R3HCC1L: variants seen among roughly 807,000 people sequenced by gnomAD.
R3HCC1L encodes the protein coiled-coil domain-containing protein R3HCC1L.
R3HCC1L carries 51 observed loss-of-function variants against 59.9 expected under a neutral mutation model. That is an observed-to-expected ratio of 0.85 (90% confidence interval 0.68 to 1.07). The LOEUF is 1.07. Ranked by LOEUF, R3HCC1L falls within the 50% of genes least tolerant of loss-of-function variation. The pLI is 0.00. For synonymous variants in R3HCC1L, 322 were observed against 315.2 expected (o/e 1.02, Z -0.23); for missense variants, 965 against 933.0 (o/e 1.03, Z -0.45).
At position 98,209,753 on chromosome 10, in the gene R3HCC1L, G is replaced by T. The variant is rs747085556; in HGVS notation, c.1639G>T (p.Asp547Tyr). 1.9e-6 allele frequency: 3 copies of T among 1,613,868 alleles called. No individual in the cohort carries two copies. The highest frequency in any genetic ancestry group is 2.5e-6 in the Non-Finnish European group (3 of 1,179,852). ...GSIEFGVSFP[D>Y]RESSSMETSI... ...TATAGAATTTGGTGTATCTTTTCCTGATAGGGAATCATCATCTATGGAAAC... is the reference window on the plus strand; with the variant it reads ...TATAGAATTTGGTGTATCTTTTCCTTATAGGGAATCATCATCTATGGAAAC... The change falls in exon 5 of 10, where the codon GAT (aspartate) becomes TAT (tyrosine). Residue 547 changes from aspartate (D) to tyrosine (Y), a missense_variant. By Grantham distance (160) the Asp-to-Tyr change is radical (BLOSUM62 -3). Coordinates refer to ENST00000298999, the MANE Select transcript of R3HCC1L (RefSeq NM_001351015.2).
intron 4 of R3HCC1L, among the ~76,000 whole-genome samples, chr10:98,197,276 A>T (rs1442549953): frequency 6.6e-6 from 1 of 151,892 alleles, no homozygotes; most frequent in Non-Finnish European, 1.5e-5. Context: ...TGTCCGTGCC[A>T]AAATTGTCCT....
intron 4 of R3HCC1L, among the ~76,000 whole-genome samples, chr10:98,173,718 C>A (rs534327792): frequency 6.6e-6 from 1 of 151,910 alleles, no homozygotes; most frequent in East Asian, 1.9e-4. Flanking sequence ...ACTCTTTTTT[C>A]CCCCTAACCA....
intron 1 of R3HCC1L, among the ~76,000 whole-genome samples, chr10:98,137,949 C>CT (rs1239803976): frequency 1.3e-5 from 2 of 151,168 alleles, no homozygotes; most frequent in Admixed American, 1.3e-4. Flanking sequence ...TGGATAGGGT[C>CT]TGGGAGACTT....
chr10:98,181,832 T>C (rs1429975273), intron 4 of R3HCC1L, among the ~76,000 whole-genome samples: 2 of 152,228 alleles, frequency 1.3e-5, no homozygotes, highest in Admixed American at 1.3e-4. Context: ...ATGAGTCACA[T>C]AGTTCTTGTG....
intron 9 of R3HCC1L, among the ~76,000 whole-genome samples, chr10:98,239,438 T>G (rs562132561): frequency 6.6e-6 from 1 of 152,196 alleles, no homozygotes; most frequent in African/African-American, 2.4e-5. Context: ...CAGCCTTTCT[T>G]TCTCCCGCTT....
At chr10:98,203,977 G>A (rs1354560491) in intron 4 of R3HCC1L, among the ~76,000 whole-genome samples, 1 of 152,198 alleles carries the variant, frequency 6.6e-6, no homozygotes, top group Admixed American at 6.5e-5. Context: ...TTTGAACAGA[G>A]TGCATGCTGA....
chr10:98,174,612 G>C (rs909462251), intron 4 of R3HCC1L: 2 of 985,280 alleles, frequency 2.0e-6, no homozygotes, highest in Non-Finnish European at 2.4e-6. Context: ...TCATTTAGGA[G>C]GGCGTTAGAC....
Position 98,163,390 on chromosome 10 carries a change from C to A in R3HCC1L, c.-22C>A, listed in dbSNP as rs190527072. On this transcript the variant is annotated 5_prime_UTR_variant, in exon 4 of 10. Coordinates refer to ENST00000298999, the MANE Select transcript of R3HCC1L (RefSeq NM_001351015.2). ...TTTATTACTAAGAAAATAAATGTTA[C>A]TTACATGGTAAGTTGCCTTTACTTA... 4 of 1,334,616 alleles carry A rather than the reference C, an allele frequency of 3.0e-6. No individual in the cohort carries two copies. The highest frequency in any genetic ancestry group is 5.2e-5 in the Admixed American group (2 of 38,824). The allele number at this position is 1,334,616 out of a possible 1,614,324, so 82.7% of individuals were successfully genotyped here. A position where few individuals can be genotyped will look rare whatever the true frequency, so the allele number is the denominator to read the frequency against.
intron 1 of R3HCC1L, among the ~76,000 whole-genome samples, chr10:98,136,652 A>G (rs1268001901): frequency 2.0e-5 from 3 of 152,162 alleles, no homozygotes; most frequent in South Asian, 4.1e-4. Flanking sequence ...CCTGGGCAAC[A>G]TAATGAAACC....
Position 98,231,555 on chromosome 10 carries a change from G to T in R3HCC1L, c.1829G>T (p.Arg610Ile). The change falls in exon 6 of 10, where the codon AGA becomes ATA. Residue 610 changes from arginine (R) to isoleucine (I), a missense_variant. Arg to Ile is a moderately conservative substitution (Grantham distance 97). Transcript: ENST00000298999. ...AGCAGAGAGAGCATCCAGGAACCTA[G>T]ATCTGATTACTACAATCATGAAGTT... ...TKSRESIQEP[R>I]SDYYNHEVPD... 1.9e-6 allele frequency: 3 copies of T among 1,613,376 alleles called. No individual in the cohort carries two copies. Among genetic ancestry groups the T allele is most frequent in the Non-Finnish European group, 2.5e-6 (3 of 1,179,618 alleles).
intron 5 of R3HCC1L, among the ~76,000 whole-genome samples, chr10:98,230,866 G>A (rs1327044175): frequency 6.6e-6 from 1 of 152,060 alleles, no homozygotes; most frequent in African/African-American, 2.4e-5. Context: ...TAGGACGGTA[G>A]AATTTTAATT....
chr10:98,239,076 C>G (rs550089384), intron 9 of R3HCC1L, among the ~76,000 whole-genome samples: 1 of 152,138 alleles, frequency 6.6e-6, no homozygotes. Context: ...CTCTGTGCCC[C>G]CTGGTTTCCA....
At chr10:98,158,517 T>C (rs1183315675) in intron 2 of R3HCC1L, among the ~76,000 whole-genome samples, 1 of 152,234 alleles carries the variant, frequency 6.6e-6, no homozygotes, top group East Asian at 1.9e-4. Flanking sequence ...CCCTTTCTTA[T>C]TTCTCTCTCG....
chr10:98,164,716 G>A (rs1847768361), intron 4 of R3HCC1L, among the ~76,000 whole-genome samples: 1 of 152,186 alleles, frequency 6.6e-6, no homozygotes, highest in African/African-American at 2.4e-5. Context: ...GTGACAGCCT[G>A]TGAATTGTTG....
intron 1 of R3HCC1L, among the ~76,000 whole-genome samples, chr10:98,135,405 G>T (rs1590349278): frequency 6.6e-6 from 1 of 152,148 alleles, no homozygotes; most frequent in Admixed American, 6.5e-5. Flanking sequence ...TGAAAAGTGG[G>T]GTTAATGTTC....
At chr10:98,240,002 A>C (rs1857359612) in intron 9 of R3HCC1L, among the ~76,000 whole-genome samples, 1 of 152,088 alleles carries the variant, frequency 6.6e-6, no homozygotes, top group African/African-American at 2.4e-5. Flanking sequence ...GCCTAAAACC[A>C]CATTTTAAAG....
At chr10:98,220,141 C>G (rs532901066) in intron 5 of R3HCC1L, among the ~76,000 whole-genome samples, 3 of 152,012 alleles carry the variant, frequency 2.0e-5, no homozygotes, top group Admixed American at 1.3e-4. Flanking sequence ...TCTGCTTGAC[C>G]TAGTCTGCTA....
At chr10:98,230,199 T>C (rs979581841) in intron 5 of R3HCC1L, among the ~76,000 whole-genome samples, 4 of 152,214 alleles carry the variant, frequency 2.6e-5, no homozygotes, top group Non-Finnish European at 5.9e-5. Flanking sequence ...CAGCTGTGAA[T>C]CCGTCTGGTC....
chr10:98,240,400 C>T (rs1266277305), intron 9 of R3HCC1L, among the ~76,000 whole-genome samples: 9 of 152,248 alleles, frequency 5.9e-5, no homozygotes, highest in African/African-American at 2.2e-4. Flanking sequence ...CCACCTAAAA[C>T]TGGACTTAGA....
Sources: allele counts gnomAD v4.1 joint callset (sites outside exome capture counted in the v4.1 genomes callset), GRCh38; gene constraint gnomAD v4.1.1; transcripts MANE v1.5; gene names NCBI Gene and HGNC (gene_info 2026-07-23, HGNC 2026-07-21).